The following LIMCH1 variants were observed in gnomAD, a reference collection of about 807,000 sequenced individuals.
LIMCH1 encodes LIM and calponin homology domains 1.
A neutral mutation model predicts 176.5 loss-of-function variants in LIMCH1; 113 were observed. The observed-to-expected ratio is 0.64, with a 90% CI of 0.55 to 0.75. LIMCH1 has a LOEUF of 0.75. LIMCH1 is among the 30% of genes least tolerant of loss of function. LIMCH1 has a pLI of 0.00. For missense variants in LIMCH1, 1,674 were observed against 1,814.9 expected, an observed-to-expected ratio of 0.92 and a Z score of 1.41; for synonymous variants, 619 against 645.9, an observed-to-expected ratio of 0.96 and a Z score of 0.63.
intron 18 of LIMCH1, among the ~76,000 whole-genome samples, chr4:41,658,458 A>G (rs776001401): frequency 6.6e-6 from 1 of 152,244 alleles, no homozygotes; most frequent in Non-Finnish European, 1.5e-5. Context: ...TCCAGCATAC[A>G]TAAGTGGTAA....
chr4:41,646,702 C>T lies in LIMCH1; in HGVS notation c.2629C>T (p.Gln877Ter). The change falls in exon 17 of 32, where the codon CAG becomes TAG. Residue 877 changes from glutamine (Q) to a stop codon, truncating the protein, a stop_gained. Coordinates refer to ENST00000503057, the MANE Select transcript of LIMCH1 (RefSeq NM_001330672.2). LOFTEE classifies it high-confidence loss of function. The stretch of plus-strand genomic sequence containing the variant: ...CAATCCCATGAAATACCTGCGGCAA[C>T]AGTCACTGCCTCCACCCAAATTCAC... ...DPNPMKYLRQ[Q>*]SLPPPKFTAT... The T allele has an allele frequency of 6.2e-7, 1 of 1,614,226 alleles. No homozygotes were observed. The highest frequency in any genetic ancestry group is 8.5e-7 in the Non-Finnish European group (1 of 1,180,050).
chr4:41,658,723 A>G (rs1487630376), intron 18 of LIMCH1, among the ~76,000 whole-genome samples: 2 of 152,264 alleles, frequency 1.3e-5, no homozygotes, highest in East Asian at 1.9e-4. Context: ...AAAGTAATAC[A>G]ACTTAAAATT....
At chr4:41,633,984 T>C (rs2093457269) in intron 13 of LIMCH1, among the ~76,000 whole-genome samples, 176 bp downstream of exon 13, 1 of 152,236 alleles carries the variant, frequency 6.6e-6, no homozygotes, top group Non-Finnish European at 1.5e-5. Flanking sequence ...TGTAAGCAGG[T>C]GTGATTCAGT....
chr4:41,538,414 C>T (rs754108441), intron 1 of LIMCH1, 64 bp downstream of exon 1: 31 of 904,108 alleles, frequency 3.4e-5, no homozygotes, highest in Non-Finnish European at 4.1e-5. Context: ...AAGAAGGAAG[C>T]TATTTAGACT....
At chr4:41,664,741 G>A (rs944446225) in intron 20 of LIMCH1, among the ~76,000 whole-genome samples, 1 of 152,170 alleles carries the variant, frequency 6.6e-6, no homozygotes, top group Non-Finnish European at 1.5e-5. Flanking sequence ...CCTCATCTGT[G>A]GAACCTCATC....
intron 1 of LIMCH1, among the ~76,000 whole-genome samples, chr4:41,417,115 GC>G (rs1423088100): frequency 1.1e-5 from 1 of 94,488 alleles, no homozygotes; most frequent in African/African-American, 5.1e-5. Context: ...GGTTATCTAT[GC>G]TATAGGCATT....
intron 15 of LIMCH1, 54 bp downstream of exon 15, chr4:41,644,680 TC>T: frequency 3.8e-6 from 6 of 1,564,846 alleles, no homozygotes; most frequent in Non-Finnish European, 5.2e-6. Flanking sequence ...CAGCAGAAAA[TC>T]CAGCCGGGTG....
chr4:41,604,045 T>C (rs1363640026), intron 3 of LIMCH1, 140 bp downstream of exon 3: 1 of 903,430 alleles, frequency 1.1e-6, no homozygotes, highest in East Asian at 2.7e-5. Flanking sequence ...TTAATGACCA[T>C]GATAGAAATA....
intron 22 of LIMCH1, among the ~76,000 whole-genome samples, chr4:41,674,068 T>G (rs1390606906): frequency 6.6e-6 from 1 of 152,124 alleles, no homozygotes; most frequent in Non-Finnish European, 1.5e-5. Flanking sequence ...AGATCATTGT[T>G]TCATTCTCTC....
chr4:41,620,511 G>A lies in LIMCH1; in HGVS notation c.546G>A (p.Lys182=), dbSNP rs1371270187. Residue 182 remains lysine (K), a synonymous_variant, in exon 7 of 32, where the codon AAG becomes AAA. Transcript: ENST00000503057. ...CTGGCCAAATGAATCCTGGTTGGAA[G>A]CCTTCCGATGGTGGGTGTGAATTAC... ...NPAGQMNPGW[K]PSDGGCELPD... is the part of the protein sequence containing the mutation. 2 of 1,536,438 alleles carry A rather than the reference G, an allele frequency of 1.3e-6. No individual in the cohort carries two copies. The highest frequency in any genetic ancestry group is 1.7e-6 in the Non-Finnish European group (2 of 1,146,980).
chr4:41,492,066 G>A (rs976513134), intron 1 of LIMCH1, among the ~76,000 whole-genome samples: 1 of 152,232 alleles, frequency 6.6e-6, no homozygotes, highest in Non-Finnish European at 1.5e-5. Flanking sequence ...GGGAGGTGGA[G>A]GTTGTAGCCA....
chr4:41,405,633 C>A (rs908768975), intron 1 of LIMCH1, among the ~76,000 whole-genome samples: 2 of 152,058 alleles, frequency 1.3e-5, no homozygotes, highest in Non-Finnish European at 2.9e-5. Context: ...ACCCTACAGG[C>A]CTTACTCAGT....
intron 1 of LIMCH1, among the ~76,000 whole-genome samples, chr4:41,411,664 A>G (rs577971860): frequency 8.4e-5 from 11 of 130,938 alleles, no homozygotes; most frequent in South Asian, 5.1e-4. Context: ...GCTTTTAGGG[A>G]AAAAAAAAAG....
At chr4:41,560,932 A>G (rs535395812) in intron 1 of LIMCH1, among the ~76,000 whole-genome samples, 1 of 151,928 alleles carries the variant, frequency 6.6e-6, no homozygotes, top group South Asian at 2.1e-4. Context: ...CAGGAGGATC[A>G]CTTTAGTCCA....
rs71198662 is a variant in LIMCH1, at chr4:41,501,857, CTTTTTTTTTTTTTTTTTT to C, written c.167+7263_167+7280del. ...CACTCTCATCTCCCGGTGTAGAATC[CTTTTTTTTTTTTTTTTTT>C]TTTTTTTTTTTAAAAAAAACCTTCA... On this transcript the variant is annotated intron_variant, in intron 2 of 26. Coordinates refer to the LIMCH1 transcript ENST00000313860. Among the ~76,000 whole-genome samples the C allele has an allele frequency of 4.1e-3, 311 of 74,996 alleles. 4 individuals carry two copies. The highest frequency in any genetic ancestry group is 0.017 in the African/African-American group (291 of 17,602). The allele number at this position is 74,996 out of a possible 152,430, so 49.2% of individuals were successfully genotyped here.
At chr4:41,661,611 GTAAT>G in intron 19 of LIMCH1, 101 bp downstream of exon 19, 1 of 831,218 alleles carries the variant, frequency 1.2e-6, no homozygotes, top group Non-Finnish European at 2.0e-6. Context: ...CAGGAAAGTA[GTAAT>G]TAGACTCCAG....
intron 17 of LIMCH1, among the ~76,000 whole-genome samples, chr4:41,649,389 GA>G (rs2094197298): frequency 6.6e-6 from 1 of 152,082 alleles, no homozygotes; most frequent in Non-Finnish European, 1.5e-5. Context: ...GACAGAGTGA[GA>G]CCCCGTCTCA....
At chr4:41,603,849 A>G (rs2090323460) in intron 2 of LIMCH1, 26 bp from the exon 3 acceptor site, 1 of 1,574,574 alleles carries the variant, frequency 6.4e-7, no homozygotes, top group Non-Finnish European at 8.7e-7. Context: ...TTCTGACAAT[A>G]TTTTCTTTTC....
At position 41,426,313 on chromosome 4, in the gene LIMCH1, G is replaced by A. The variant is rs371079433; in HGVS notation, c.96+65377G>A. ...TGGGATTACAGGCGTGAGCCACTGC[G>A]CCCGGCCCGTGAAAAGATTCTTGTA... On this transcript the variant is annotated intron_variant, in intron 1 of 26. Coordinates refer to the LIMCH1 transcript ENST00000313860. Among the ~76,000 whole-genome samples the A allele has an allele frequency of 3.9e-3, 597 of 152,256 alleles. 6 individuals carry two copies. The highest frequency in any genetic ancestry group is 5.3e-3 in the Admixed American group (81 of 15,294).
Sources: gnomAD v4.1 joint callset for allele counts (sites outside exome capture counted in the v4.1 genomes callset) on GRCh38, gnomAD v4.1.1 for gene constraint, MANE v1.5 for transcripts, NCBI Gene and HGNC (gene_info 2026-07-23, HGNC 2026-07-21) for gene names.